CERS3: variants seen among roughly 807,000 people sequenced by gnomAD.
CERS3 encodes the protein LAG1 homolog, ceramide synthase 3.
Under a neutral mutation model 50.3 loss-of-function variants are expected in CERS3, and 33 were observed. The ratio of observed to expected loss-of-function variants is 0.66; its 90% CI spans 0.50 to 0.88. The LOEUF (loss-of-function observed/expected upper bound fraction) is 0.88, where lower values mean the gene tolerates loss of function less well. Among genes scored for constraint, CERS3 ranks in the 40% least tolerant of loss-of-function variants. The pLI is 0.00. For synonymous variants in CERS3, 176 were observed against 155.2 expected (o/e 1.13, Z -0.99); for missense variants, 470 against 460.3 (o/e 1.02, Z -0.19).
At chr15:100,516,184 G>GC (rs2036482630) in intron 2 of CERS3, among the ~76,000 whole-genome samples, 1 of 152,200 alleles carries the variant, frequency 6.6e-6, no homozygotes, top group South Asian at 2.1e-4. Flanking sequence ...TTAGAAAGGG[G>GC]TGGGTAAGGC....
At chr15:100,525,503 C>A (rs2036759870) in intron 1 of CERS3, among the ~76,000 whole-genome samples, 1 of 152,196 alleles carries the variant, frequency 6.6e-6, no homozygotes, top group South Asian at 2.1e-4. Flanking sequence ...AATGGAAATT[C>A]TCAGCCTTGA....
intron 1 of CERS3, among the ~76,000 whole-genome samples, chr15:100,534,384 G>A (rs2037021064): frequency 6.6e-6 from 1 of 152,116 alleles, no homozygotes; most frequent in Non-Finnish European, 1.5e-5. Context: ...CATTGAATGA[G>A]TTAATATATT....
intron 11 of CERS3, among the ~76,000 whole-genome samples, chr15:100,413,955 A>G (rs1047778724): frequency 1.3e-5 from 2 of 152,080 alleles, no homozygotes; most frequent in Non-Finnish European, 2.9e-5. Flanking sequence ...GTAATAAAAC[A>G]CCTGCCAACC....
At chr15:100,493,227 C>T (rs1411649281) in intron 3 of CERS3, among the ~76,000 whole-genome samples, 1 of 152,162 alleles carries the variant, frequency 6.6e-6, no homozygotes, top group Non-Finnish European at 1.5e-5. Flanking sequence ...TCCTTTCAAA[C>T]TTTTTGTATG....
At chr15:100,437,119 G>T (rs1252408543) in intron 11 of CERS3, among the ~76,000 whole-genome samples, 1 of 151,644 alleles carries the variant, frequency 6.6e-6, no homozygotes, top group Non-Finnish European at 1.5e-5. Flanking sequence ...AATTTTTTTT[G>T]TATTTTTAGT....
chr15:100,429,920 C>T (rs1386241446), intron 11 of CERS3, among the ~76,000 whole-genome samples: 1 of 151,902 alleles, frequency 6.6e-6, no homozygotes, highest in Admixed American at 6.6e-5. Context: ...ACACTTTTGG[C>T]TTTACTTTTG....
chr15:100,483,855 A>G (rs1358920200), intron 5 of CERS3, among the ~76,000 whole-genome samples: 1 of 138,000 alleles, frequency 7.2e-6, no homozygotes, highest in Non-Finnish European at 1.5e-5. Flanking sequence ...ATCTCGGCTC[A>G]CTGCAAGCTC....
At chr15:100,433,541 G>A (rs1596651743) in intron 11 of CERS3, among the ~76,000 whole-genome samples, 1 of 152,320 alleles carries the variant, frequency 6.6e-6, no homozygotes, top group South Asian at 2.1e-4. Flanking sequence ...GCTCAATTGG[G>A]TCATCTCTGA....
intron 11 of CERS3, among the ~76,000 whole-genome samples, chr15:100,435,914 C>T (rs1347839071): frequency 1.3e-5 from 2 of 152,310 alleles, no homozygotes; most frequent in African/African-American, 4.8e-5. Flanking sequence ...CAAATCAAAA[C>T]CACAATGAGA....
chr15:100,403,586 T>C (rs571429075), intron 11 of CERS3, among the ~76,000 whole-genome samples: 37 of 152,196 alleles, frequency 2.4e-4, no homozygotes, highest in African/African-American at 7.7e-4. Flanking sequence ...GCAGACAATA[T>C]AAGAATAACA....
In CERS3 at chr15:100,473,059, G is replaced by A; in HGVS notation, c.610-7C>T. On this transcript the variant is annotated splice_polypyrimidine_tract_variant and splice_region_variant and intron_variant, in intron 8 of 11. Coordinates refer to ENST00000679737, the MANE Select transcript of CERS3 (RefSeq NM_001378789.1). ...TGATATGAGCTAGAAAATCCTGTAAGATGAGGGAAAATGGAAGCCATTAAG... is the reference window on the plus strand; with the variant it reads ...TGATATGAGCTAGAAAATCCTGTAAAATGAGGGAAAATGGAAGCCATTAAG... 1 of 1,610,022 alleles carries A rather than the reference G, an allele frequency of 6.2e-7. No individual in the cohort carries two copies. The highest frequency in any genetic ancestry group is 1.1e-5 in the South Asian group (1 of 90,528).
At chr15:100,525,237 G>C (rs961916889) in intron 1 of CERS3, among the ~76,000 whole-genome samples, 7 of 152,052 alleles carry the variant, frequency 4.6e-5, no homozygotes, top group African/African-American at 1.7e-4. Flanking sequence ...ATTTAACTCA[G>C]AAAACAATAA....
intron 11 of CERS3, among the ~76,000 whole-genome samples, chr15:100,425,345 C>T (rs184591992): frequency 1.0e-3 from 153 of 152,324 alleles, no homozygotes; most frequent in Non-Finnish European, 1.6e-3. Context: ...TGAGAGCAGC[C>T]GCTGGTGATG....
At chr15:100,535,782 A>G in intron 1 of CERS3, among the ~76,000 whole-genome samples, 1 of 129,964 alleles carries the variant, frequency 7.7e-6, no homozygotes. Flanking sequence ...TGTGCACGGG[A>G]AGTGGGGACA....
At chr15:100,404,569 C>T in intron 11 of CERS3, among the ~76,000 whole-genome samples, 1 of 152,070 alleles carries the variant, frequency 6.6e-6, no homozygotes. Flanking sequence ...CTGTAGATTC[C>T]ACGCAATACT....
intron 11 of CERS3, among the ~76,000 whole-genome samples, chr15:100,443,786 C>T (rs1187227021): frequency 6.6e-6 from 1 of 152,124 alleles, no homozygotes; most frequent in Non-Finnish European, 1.5e-5. Context: ...ATCTCTCAAA[C>T]CCCAGCACCT....
At chr15:100,476,282 C>A in intron 7 of CERS3, 104 bp from the exon 8 acceptor site, 3 of 574,264 alleles carry the variant, frequency 5.2e-6, no homozygotes, top group Non-Finnish European at 3.0e-6. Context: ...CCACCAGATT[C>A]CATAAAATAA....
At chr15:100,482,802 C>T (rs534209340) in intron 5 of CERS3, among the ~76,000 whole-genome samples, 93 of 152,172 alleles carry the variant, frequency 6.1e-4, no homozygotes, top group Admixed American at 3.1e-3. Context: ...AAGAAATAAG[C>T]GCCCGGAGAT....
At position 100,526,092 on chromosome 15, in the gene CERS3, C is replaced by T. The variant is rs369783885; in HGVS notation, c.-92+2721G>A. ...ATCTCTCTGCTATGATCTGCAGTTT[C>T]TCTGGATTCAAACATAGAGATAGAT... On this transcript the variant is annotated intron_variant, in intron 1 of 11. Coordinates refer to ENST00000679737, the MANE Select transcript of CERS3 (RefSeq NM_001378789.1). Among the ~76,000 whole-genome samples, 3 of 152,352 alleles carry T rather than the reference C, an allele frequency of 2.0e-5. 1 individual carries two copies. Among genetic ancestry groups the T allele is most frequent in the African/African-American group, 7.2e-5 (3 of 41,580 alleles).
Sources: allele counts gnomAD v4.1 joint callset (sites outside exome capture counted in the v4.1 genomes callset), GRCh38; gene constraint gnomAD v4.1.1; transcripts MANE v1.5; gene names NCBI Gene and HGNC (gene_info 2026-07-23, HGNC 2026-07-21).